SPOCK1: variants seen among roughly 807,000 people sequenced by gnomAD.
The protein encoded by SPOCK1 is testican-1.
In SPOCK1, 23 loss-of-function variants were observed where a neutral mutation model predicts 55.3. The observed-to-expected ratio is 0.42, with a 90% CI of 0.30 to 0.59. The LOEUF is 0.59. Ranked by LOEUF, SPOCK1 falls within the 20% of genes least tolerant of loss-of-function variation. The pLI is 0.22. For synonymous variants in SPOCK1, 226 were observed against 221.0 expected, an observed-to-expected ratio of 1.02 and a Z score of -0.20; for missense variants, 499 against 552.5, an observed-to-expected ratio of 0.90 and a Z score of 0.97.
intron 3 of SPOCK1, among the ~76,000 whole-genome samples, chr5:137,200,712 T>C (rs1251919183): frequency 6.6e-6 from 1 of 152,230 alleles, no homozygotes; most frequent in Non-Finnish European, 1.5e-5. Flanking sequence ...GCAGGTTACA[T>C]AGGTATACAT....
At chr5:137,125,903 C>G (rs765722390) in intron 4 of SPOCK1, among the ~76,000 whole-genome samples, 2 of 152,028 alleles carry the variant, frequency 1.3e-5, no homozygotes, top group Non-Finnish European at 1.5e-5. Context: ...TGGTGAGCAC[C>G]CAGAAAGAAA....
At chr5:137,052,451 T>C (rs1752224058) in intron 6 of SPOCK1, among the ~76,000 whole-genome samples, 1 of 152,212 alleles carries the variant, frequency 6.6e-6, no homozygotes. Flanking sequence ...GTGGCACATC[T>C]TTTCTGAAAG....
chr5:137,180,637 A>C (rs752526786), intron 3 of SPOCK1, among the ~76,000 whole-genome samples: 2 of 152,160 alleles, frequency 1.3e-5, no homozygotes, highest in African/African-American at 4.8e-5. Context: ...CACCACCCCA[A>C]GGACATCTCA....
chr5:137,216,394 T>C (rs144363878), intron 3 of SPOCK1, among the ~76,000 whole-genome samples: 1 of 152,334 alleles, frequency 6.6e-6, no homozygotes, highest in East Asian at 1.9e-4. Context: ...AATTGTATAA[T>C]ATAGCAATGT....
At chr5:137,390,438 A>C (rs945678878) in intron 2 of SPOCK1, among the ~76,000 whole-genome samples, 2 of 152,210 alleles carry the variant, frequency 1.3e-5, no homozygotes, top group African/African-American at 4.8e-5. Flanking sequence ...AATAAAGGAA[A>C]TTACCATTTT....
At chr5:137,407,448 C>G (rs1386728462) in intron 2 of SPOCK1, among the ~76,000 whole-genome samples, 1 of 152,138 alleles carries the variant, frequency 6.6e-6, no homozygotes, top group South Asian at 2.1e-4. Flanking sequence ...CAGTCACTCA[C>G]CAGCTTGGTG....
At chr5:137,297,302 T>C (rs1237134192) in intron 2 of SPOCK1, among the ~76,000 whole-genome samples, 3 of 152,184 alleles carry the variant, frequency 2.0e-5, no homozygotes, top group Non-Finnish European at 4.4e-5. Flanking sequence ...CTATGATTCA[T>C]TCACTCCACA....
intron 2 of SPOCK1, among the ~76,000 whole-genome samples, chr5:137,334,908 T>C (rs28713724): frequency 0.033 from 5,056 of 152,292 alleles, 112 homozygotes; most frequent in African/African-American, 0.055. Flanking sequence ...CCCAAGGGCG[T>C]ACCCGTCACT....
At chr5:137,248,091 C>A (rs1756432543) in intron 3 of SPOCK1, among the ~76,000 whole-genome samples, 1 of 152,172 alleles carries the variant, frequency 6.6e-6, no homozygotes, top group African/African-American at 2.4e-5. Context: ...TATTTCCCTA[C>A]ACATAACTTA....
chr5:137,463,261 G>C (rs116736573), intron 2 of SPOCK1, among the ~76,000 whole-genome samples: 2,204 of 152,238 alleles, frequency 0.014, 20 homozygotes, highest in Middle Eastern at 0.065. Context: ...CAATAGCCTA[G>C]ATTTGGAAGC....
intron 6 of SPOCK1, among the ~76,000 whole-genome samples, chr5:137,035,650 TG>T (rs1751869833): frequency 6.6e-6 from 1 of 152,122 alleles, no homozygotes; most frequent in Admixed American, 6.5e-5. Flanking sequence ...CTGAGGTCAC[TG>T]TGTGCTCATG....
intron 2 of SPOCK1, among the ~76,000 whole-genome samples, chr5:137,422,586 A>C (rs1752522905): frequency 6.6e-6 from 1 of 152,176 alleles, no homozygotes. Flanking sequence ...TCAGCTACTG[A>C]GGCTTGTGCA....
At chr5:137,192,007 C>T (rs926020691) in intron 3 of SPOCK1, among the ~76,000 whole-genome samples, 7 of 151,842 alleles carry the variant, frequency 4.6e-5, no homozygotes, top group South Asian at 2.1e-4. Flanking sequence ...GGCTGAGGTA[C>T]GTGGATTGCC....
chr5:137,477,019 T>C (rs1487672683), intron 2 of SPOCK1, among the ~76,000 whole-genome samples: 1 of 152,184 alleles, frequency 6.6e-6, no homozygotes, highest in African/African-American at 2.4e-5. Flanking sequence ...TGAACAAAGA[T>C]TTAATCACCG....
chr5:137,298,016 T>G (rs1757521372), intron 2 of SPOCK1, among the ~76,000 whole-genome samples: 1 of 152,220 alleles, frequency 6.6e-6, no homozygotes, highest in South Asian at 2.1e-4. Context: ...CAGACAGACG[T>G]GGCCCCAACC....
chr5:137,173,040 T>C (rs1754782923), intron 3 of SPOCK1, among the ~76,000 whole-genome samples: 1 of 152,176 alleles, frequency 6.6e-6, no homozygotes, highest in Non-Finnish European at 1.5e-5. Flanking sequence ...CCCTTTCTTC[T>C]TGCCCCCAAT....
At chr5:137,032,863 T>G (rs147078957) in intron 6 of SPOCK1, among the ~76,000 whole-genome samples, 1 of 152,232 alleles carries the variant, frequency 6.6e-6, no homozygotes, top group African/African-American at 2.4e-5. Flanking sequence ...AGGCTGAGGA[T>G]GGAACAGGCA....
At chr5:137,468,949 G>A (rs1753677422) in intron 2 of SPOCK1, among the ~76,000 whole-genome samples, 1 of 152,174 alleles carries the variant, frequency 6.6e-6, no homozygotes, top group Non-Finnish European at 1.5e-5. Flanking sequence ...ATGGGTGAAG[G>A]GGAGTCAGGA....
intron 2 of SPOCK1, among the ~76,000 whole-genome samples, chr5:137,450,750 GGGCTTGAAGTCATAGGCTCT>G (rs1753238438): frequency 6.6e-6 from 1 of 151,840 alleles, no homozygotes; most frequent in Non-Finnish European, 1.5e-5. Flanking sequence ...CCTATTACCT[GGGCTTGAAGTCATAGGCTCT>G]CTCCCCTCAC....
Sources: gnomAD v4.1 joint callset for allele counts (sites outside exome capture counted in the v4.1 genomes callset) on GRCh38, gnomAD v4.1.1 for gene constraint, MANE v1.5 for transcripts, NCBI Gene and HGNC (gene_info 2026-07-23, HGNC 2026-07-21) for gene names.